Variants in SALL2 observed in about 807,000 individuals in gnomAD.
SALL2 encodes the protein sal-like protein 2.
Under a neutral mutation model 58.5 loss-of-function variants are expected in SALL2, and 32 were observed. That is an observed-to-expected ratio of 0.55 (90% CI 0.41 to 0.74). SALL2 has a LOEUF of 0.74. SALL2 is among the 30% of genes least tolerant of loss of function. The pLI is 0.00. For missense variants in SALL2, 1,201 were observed against 1,268.9 expected, an observed-to-expected ratio of 0.95 and a Z score of 0.81; for synonymous variants, 516 against 513.6, an observed-to-expected ratio of 1.00 and a Z score of -0.06.
chr14:21,535,172 C>T (rs995929901), intron 1 of SALL2, among the ~76,000 whole-genome samples: 3 of 151,622 alleles, frequency 2.0e-5, no homozygotes, highest in Non-Finnish European at 4.4e-5. Context: ...GGTGAAACCC[C>T]GTCTCTACTA....
At chr14:21,530,551 G>T (rs545184807), upstream of SALL2, among the ~76,000 whole-genome samples, 1 of 152,100 alleles carries the variant, frequency 6.6e-6, no homozygotes, top group Admixed American at 6.5e-5. Flanking sequence ...GCCTCCCAAA[G>T]TGTTGGGATT....
intron 1 of SALL2, among the ~76,000 whole-genome samples, chr14:21,532,649 A>G (rs1401428171): frequency 6.6e-6 from 1 of 151,978 alleles, no homozygotes; most frequent in Non-Finnish European, 1.5e-5. Flanking sequence ...CAAAAAAAGA[A>G]AAAAATTTTT....
Position 21,521,892 on chromosome 14 carries a change from TC to T in SALL2, c.*811del. On this transcript the variant is annotated 3_prime_UTR_variant, in exon 2 of 2. Coordinates refer to ENST00000537235, the MANE Select transcript of SALL2 (RefSeq NM_001364564.1). ...ATCAGGGGATTTACTGGGAAAATTT[TC>T]CTATGCCCTTCCTTCATTTCTCCCT... 7.6e-7 allele frequency: 1 copy of T among 1,316,892 alleles called. No individual in the cohort carries two copies. The highest frequency in any genetic ancestry group is 2.6e-5 in the Admixed American group (1 of 38,770). The allele number at this position is 1,316,892 out of a possible 1,614,324, so 81.6% of individuals were successfully genotyped here. A position where few individuals can be genotyped will look rare whatever the true frequency, so the allele number is the denominator to read the frequency against.
Position 21,524,345 on chromosome 14 carries a change from G to T in SALL2, c.1377C>A (p.Ala459=), listed in dbSNP as rs374225652. The part of the protein sequence containing the change: ...PYGMSVPPEK[A]EEEAATPGGG... ...CACCTGGAGTGGCTGCCTCCTCCTCGGCCTTCTCTGGTGGCACGGACATAC... is the reference window on the plus strand; with the variant it reads ...CACCTGGAGTGGCTGCCTCCTCCTCTGCCTTCTCTGGTGGCACGGACATAC... Residue 459 remains alanine, a synonymous_variant, in exon 2 of 2, where the codon GCC becomes GCA. Coordinates refer to ENST00000537235, the MANE Select transcript of SALL2 (RefSeq NM_001364564.1). The T allele has an allele frequency of 6.2e-7, 1 of 1,613,940 alleles. No homozygotes were observed. The highest frequency in any genetic ancestry group is 8.5e-7 in the Non-Finnish European group (1 of 1,179,946).
intron 1 of SALL2, among the ~76,000 whole-genome samples, chr14:21,532,038 T>C (rs1307387411): frequency 1.3e-5 from 2 of 152,160 alleles, no homozygotes; most frequent in Non-Finnish European, 2.9e-5. Context: ...CTGATTTCTC[T>C]TCTTTAAAAT....
At position 21,525,526 on chromosome 14, in the gene SALL2, C is replaced by G. The variant is rs1320136786; in HGVS notation, c.196G>C (p.Gly66Arg). The change falls in exon 2 of 2, where the codon GGC becomes CGC. Residue 66 changes from glycine (G) to arginine (R), a missense_variant. Physicochemically the swap from Gly to Arg is moderately radical, Grantham distance 125 (BLOSUM62 -2). This residue lies in a region of SALL2 where 467 missense variants were observed against 468.9 expected (regional missense o/e 1.00). Coordinates refer to ENST00000537235, the MANE Select transcript of SALL2 (RefSeq NM_001364564.1). This position sits in a 1 kb window ranked among gnomAD's most constrained non-coding sequence, Gnocchi z 4.4. ...TDPPVMVIIG[G>R]QENPNNSSAS... ...GAAGAGTTGTTGGGGTTCTCCTGGC[C>G]CCCAATTATCACCATTACAGGAGGG... 1.2e-6 allele frequency: 2 copies of G among 1,613,892 alleles called. No homozygotes were observed. The highest frequency in any genetic ancestry group is 4.5e-5 in the East Asian group (2 of 44,872).
chr14:21,524,847 C>T lies in SALL2; in HGVS notation c.875G>A (p.Arg292Gln), dbSNP rs753189477. The change falls in exon 2 of 2, where the codon CGA becomes CAA. Residue 292 changes from arginine to glutamine, a missense_variant. Arg to Gln is a conservative substitution (Grantham distance 43, BLOSUM62 1). Coordinates refer to ENST00000537235, the MANE Select transcript of SALL2 (RefSeq NM_001364564.1). ...AGGGGCAGGGGTGGGTTTGTGGCTT[C>T]GCCCAACCCCTCCAGCAGAGAAAGG... ...QHPFSAGGVG[R>Q]SHKPTPAPSP... 9 of 1,612,836 alleles carry T rather than the reference C, an allele frequency of 5.6e-6. No individual in the cohort carries two copies. Among genetic ancestry groups the T allele is most frequent in the Admixed American group, 1.7e-5 (1 of 59,902 alleles).
rs1159327500 is a variant in SALL2, at chr14:21,523,769, A to G, written c.1953T>C (p.His651=). The change falls in exon 2 of 2, where the codon CAT becomes CAC. Residue 651 remains histidine (H), a synonymous_variant. Transcript: ENST00000537235. This position sits in a 1 kb window ranked among gnomAD's most constrained non-coding sequence, Gnocchi z 4.4. ...PRALRLHYGQ[H]GGERPFKCKV... ...TGCATTTGAAGGGCCTCTCACCTCC[A>G]TGTTGGCCATAATGAAGGCGTAGGG... 6.2e-6 allele frequency: 10 copies of G among 1,614,006 alleles called. No individual in the cohort carries two copies. The South Asian group carries it at 7.7e-5, about 12-fold the overall frequency.
chr14:21,535,367 AAAAAG>A (rs141987411), intron 1 of SALL2, among the ~76,000 whole-genome samples: 13,927 of 150,938 alleles, frequency 0.092, 1,162 homozygotes, highest in East Asian at 0.43. Context: ...AGAAAAAAAG[AAAAAG>A]AAAAGAAAAG....
In SALL2 at chr14:21,522,811, C is replaced by A; in HGVS notation, c.2911G>T (p.Gly971Cys). The change falls in exon 2 of 2, where the codon GGC becomes TGC. Residue 971 changes from glycine (G) to cysteine (C), a missense_variant. This residue lies in a region of SALL2 where 675 missense variants were observed against 683.8 expected (regional missense o/e 0.99). Transcript: ENST00000537235. ...GAAAGAGCAGCAATATTCTGAGGGC[C>A]ATGGGGGGCAAAGGGCTGTACCTGG... is the stretch of plus-strand genomic sequence containing the variant. The part of the protein sequence containing the change: ...HHQVQPFAPH[G>C]PQNIAALSLV... 6.2e-7 allele frequency: 1 copy of A among 1,607,556 alleles called. No individual in the cohort carries two copies. Among genetic ancestry groups the A allele is most frequent in the Non-Finnish European group, 8.5e-7 (1 of 1,177,288 alleles).
chr14:21,533,371 C>T (rs1031433319), intron 1 of SALL2, among the ~76,000 whole-genome samples: 4 of 152,108 alleles, frequency 2.6e-5, no homozygotes, highest in African/African-American at 7.2e-5. Flanking sequence ...CTACCTTTGC[C>T]TTCTTTCCTC....
chr14:21,523,633 T>A lies in SALL2; in HGVS notation c.2089A>T (p.Lys697Ter), dbSNP rs749415963. Residue 697 changes from lysine to a stop codon, truncating the protein, a stop_gained, in exon 2 of 2, where the codon AAG becomes TAG. Transcript: ENST00000537235. LOFTEE classifies it high-confidence loss of function. The surrounding 1 kb of genome is among the most constrained non-coding windows in gnomAD (Gnocchi z 4.4). ...AQNSCPICQKKFTNAVTLQQH... is the reference protein window; with the variant it reads ...AQNSCPICQK ...TGCAGAGTGACAGCATTGGTGAACT[T>A]CTTCTGGCAGATGGGGCAGGAATTC... 6.2e-7 allele frequency: 1 copy of A among 1,614,190 alleles called. No individual in the cohort carries two copies. The highest frequency in any genetic ancestry group is 8.5e-7 in the Non-Finnish European group (1 of 1,180,016).
At chr14:21,535,162 G>A (rs1307373510) in intron 1 of SALL2, among the ~76,000 whole-genome samples, 2 of 151,844 alleles carry the variant, frequency 1.3e-5, no homozygotes, top group South Asian at 2.1e-4. Context: ...TGGCTAACAC[G>A]GTGAAACCCC....
At chr14:21,526,381 G>A (rs929078368), upstream of SALL2, 93 of 1,385,736 alleles carry the variant, frequency 6.7e-5, no homozygotes, top group Middle Eastern at 2.7e-4. Context: ...TTTATGGGGA[G>A]GAGCTGCTGG....
At chr14:21,530,584 G>A (rs574933083), upstream of SALL2, among the ~76,000 whole-genome samples, 9 of 152,098 alleles carry the variant, frequency 5.9e-5, no homozygotes, top group African/African-American at 1.7e-4. Flanking sequence ...CATCGCGCCC[G>A]GCCACCATAT....
Position 21,525,775 on chromosome 14 carries a change from G to A in SALL2, c.68-121C>T, listed in dbSNP as rs570517605. 2.6e-6 allele frequency: 3 copies of A among 1,140,992 alleles called. No homozygotes were observed. Among genetic ancestry groups the A allele is most frequent in the South Asian group, 1.6e-5 (1 of 61,840 alleles). 70.7% of individuals were successfully genotyped at this position (1,140,992 alleles called of 1,614,324 possible). A position where few individuals can be genotyped will look rare whatever the true frequency, so the allele number is the denominator to read the frequency against. On this transcript the variant is annotated intron_variant, in intron 1 of 1. Transcript: ENST00000537235. This position sits in a 1 kb window ranked among gnomAD's most constrained non-coding sequence, Gnocchi z 4.4. ...GGGTGGGGAGATGAGCTCACCATCA[G>A]GGCCATGCAGAAGTCTAGAGCTCAG...
rs1892090791 is a variant in SALL2, at chr14:21,522,789, A to G, written c.2933T>C (p.Leu978Pro). Residue 978 changes from leucine to proline, a missense_variant, in exon 2 of 2, where the codon CTT (leucine) becomes CCT (proline). Physicochemically the swap from Leu to Pro is moderately conservative, Grantham distance 98. Transcript: ENST00000537235. ...AGGCGAACAGCCAGGGACTAGAGAA[A>G]GAGCAGCAATATTCTGAGGGCCATG... ...APHGPQNIAA[L>P]SLVPGCSPSI... The G allele has an allele frequency of 1.3e-6, 2 of 1,596,660 alleles. No individual in the cohort carries two copies. The highest frequency in any genetic ancestry group is 2.3e-5 in the South Asian group (2 of 87,764).
Position 21,522,379 on chromosome 14 carries a change from C to T in SALL2, c.*325G>A, listed in dbSNP as rs1892072704. The stretch of plus-strand genomic sequence containing the variant: ...TGCCAAATGTAGGTGCTCAGGTGCA[C>T]CTACCAAAGGGAAAGGGAGAGGAGA... On this transcript the variant is annotated 3_prime_UTR_variant, in exon 2 of 2. Transcript: ENST00000537235. 1 of 1,430,522 alleles carries T rather than the reference C, an allele frequency of 7.0e-7. No individual in the cohort carries two copies. The highest frequency in any genetic ancestry group is 9.1e-7 in the Non-Finnish European group (1 of 1,095,382). 88.6% of individuals were successfully genotyped at this position (1,430,522 alleles called of 1,614,324 possible).
upstream of SALL2, among the ~76,000 whole-genome samples, chr14:21,527,299 A>G (rs1042729120): frequency 2.6e-5 from 4 of 152,236 alleles, no homozygotes; most frequent in Non-Finnish European, 5.9e-5. Flanking sequence ...ATGCTTAGAA[A>G]TAGCTAACAC....
Sources: gnomAD v4.1 joint callset for allele counts (sites outside exome capture counted in the v4.1 genomes callset) on GRCh38, gnomAD v4.1.1 for gene constraint, gnomAD v4.1.1 regional missense constraint, Gnocchi (gnomAD v3.1) non-coding constraint, MANE v1.5 for transcripts, NCBI Gene and HGNC (gene_info 2026-07-23, HGNC 2026-07-21) for gene names.